The following ADAMTS2 variants were observed in gnomAD, a reference collection of about 807,000 sequenced individuals.
The protein encoded by ADAMTS2 is ADAM metallopeptidase with thrombospondin type 1 motif 2.
ADAMTS2 carries 50 observed loss-of-function variants against 123.0 expected under a neutral mutation model. That is an observed-to-expected ratio of 0.41 (90% CI 0.32 to 0.51). ADAMTS2 has a LOEUF of 0.51. Ranked by LOEUF, ADAMTS2 falls within the 20% of genes least tolerant of loss-of-function variation. The pLI is 0.35. For synonymous variants in ADAMTS2, 678 were observed against 695.4 expected (o/e 0.98, Z 0.39); for missense variants, 1,494 against 1,705.2 (o/e 0.88, Z 2.18).
intron 2 of ADAMTS2, among the ~76,000 whole-genome samples, chr5:179,323,416 T>A (rs1011068750): frequency 6.6e-6 from 1 of 152,200 alleles, no homozygotes; most frequent in Non-Finnish European, 1.5e-5. Context: ...TCGTGGCAGG[T>A]GTCAGCATGG....
intron 5 of ADAMTS2, among the ~76,000 whole-genome samples, chr5:179,160,865 G>A (rs974637142): frequency 6.6e-6 from 1 of 152,156 alleles, no homozygotes; most frequent in African/African-American, 2.4e-5. Flanking sequence ...CAAAAGTGGG[G>A]CATGTCTCTT....
intron 2 of ADAMTS2, among the ~76,000 whole-genome samples, chr5:179,311,436 A>G (rs62395029): frequency 0.037 from 5,620 of 152,302 alleles, 142 homozygotes; most frequent in South Asian, 0.074. Flanking sequence ...CTGCCAGCAA[A>G]GCCTCAATGA....
At chr5:179,122,876 A>G in intron 19 of ADAMTS2, 103 bp from the exon 20 acceptor site, 1 of 1,509,504 alleles carries the variant, frequency 6.6e-7, no homozygotes, top group Non-Finnish European at 8.9e-7. Flanking sequence ...CCATGCGCTC[A>G]GGAGGAGGTG....
At chr5:179,278,708 G>A (rs536660588) in intron 2 of ADAMTS2, among the ~76,000 whole-genome samples, 1 of 152,014 alleles carries the variant, frequency 6.6e-6, no homozygotes, top group Non-Finnish European at 1.5e-5. Context: ...CTGGGGGACA[G>A]AGAGAGGATC....
intron 4 of ADAMTS2, among the ~76,000 whole-genome samples, chr5:179,201,631 CAAAAAAAA>C (rs58141791): frequency 2.2e-5 from 2 of 91,912 alleles, no homozygotes; most frequent in Non-Finnish European, 4.0e-5. Context: ...ACTAAAAATA[CAAAAAAAA>C]AAAAAAAAAA....
intron 2 of ADAMTS2, among the ~76,000 whole-genome samples, chr5:179,298,355 C>G (rs1756402457): frequency 6.6e-6 from 1 of 151,966 alleles, no homozygotes; most frequent in African/African-American, 2.4e-5. Flanking sequence ...GGGTGGGGAC[C>G]CCGTTAATGG....
At chr5:179,229,967 C>T (rs1765371619) in intron 3 of ADAMTS2, among the ~76,000 whole-genome samples, 1 of 152,196 alleles carries the variant, frequency 6.6e-6, no homozygotes, top group Admixed American at 6.5e-5. Flanking sequence ...TCTCGACATC[C>T]TGACCCCGTA....
chr5:179,298,733 C>T (rs1241774241), intron 2 of ADAMTS2, among the ~76,000 whole-genome samples: 2 of 151,922 alleles, frequency 1.3e-5, no homozygotes, highest in Admixed American at 6.6e-5. Flanking sequence ...CTGAGATCTG[C>T]GCTGGTTAGG....
intron 4 of ADAMTS2, among the ~76,000 whole-genome samples, chr5:179,194,392 T>A (rs1006195901): frequency 6.6e-6 from 1 of 152,180 alleles, no homozygotes; most frequent in African/African-American, 2.4e-5. Flanking sequence ...AGGGCTGCTC[T>A]ATCCGGGTGC....
At chr5:179,140,086 G>T (rs750947265) in intron 10 of ADAMTS2, 51 bp from the exon 11 acceptor site, 1 of 1,611,718 alleles carries the variant, frequency 6.2e-7, no homozygotes, top group Non-Finnish European at 8.5e-7. Flanking sequence ...CGGGCCGTGG[G>T]GACAGTCCTG....
In ADAMTS2 at chr5:179,207,498, A is replaced by AC; in HGVS notation, c.891+14_891+15insG. On this transcript the variant is annotated intron_variant, in intron 4 of 21. Transcript: ENST00000251582. Reference sequence around the variant, plus strand: ...CCTCCCCGCCCCACCCTGCCCCCTCAGCCACCCCACTCACAATGTTCATGA... The same window carrying AC: ...CCTCCCCGCCCCACCCTGCCCCCTCACGCCACCCCACTCACAATGTTCATGA... 1 of 681,278 alleles carries AC rather than the reference A, an allele frequency of 1.5e-6. No individual in the cohort carries two copies. The highest frequency in any genetic ancestry group is 6.3e-5 in the East Asian group (1 of 15,920). The allele number at this position is 681,278 out of a possible 1,614,324, so 42.2% of individuals were successfully genotyped here.
At chr5:179,205,499 G>A (rs1290093933) in intron 4 of ADAMTS2, among the ~76,000 whole-genome samples, 7 of 152,240 alleles carry the variant, frequency 4.6e-5, no homozygotes, top group South Asian at 2.1e-4. Context: ...CGTTCCCAAC[G>A]ACGCGCCTGG....
intron 3 of ADAMTS2, among the ~76,000 whole-genome samples, chr5:179,226,177 G>A (rs569756991): frequency 1.4e-4 from 21 of 151,708 alleles, no homozygotes; most frequent in African/African-American, 4.3e-4. Context: ...AGAAAAGACA[G>A]CAGCTTTTCT....
intron 2 of ADAMTS2, among the ~76,000 whole-genome samples, chr5:179,338,222 T>C (rs1000318709): frequency 1.3e-5 from 2 of 152,186 alleles, no homozygotes; most frequent in East Asian, 3.9e-4. Flanking sequence ...CCGGCTCCAC[T>C]CTGCCCCTCC....
chr5:179,187,128 C>T (rs1764190774), intron 4 of ADAMTS2, among the ~76,000 whole-genome samples: 1 of 152,128 alleles, frequency 6.6e-6, no homozygotes, highest in Non-Finnish European at 1.5e-5. Context: ...GGCCTGGAAT[C>T]CTCACTCTCC....
At chr5:179,280,075 G>C (rs114772065) in intron 2 of ADAMTS2, among the ~76,000 whole-genome samples, 3 of 152,200 alleles carry the variant, frequency 2.0e-5, no homozygotes, top group Non-Finnish European at 2.9e-5. Context: ...TGAGCACAGT[G>C]ACCACAACAG....
At chr5:179,327,616 G>C (rs1476457908) in intron 2 of ADAMTS2, among the ~76,000 whole-genome samples, 1 of 152,212 alleles carries the variant, frequency 6.6e-6, no homozygotes, top group African/African-American at 2.4e-5. Context: ...TCTACTTGAT[G>C]CAAGAGAGCA....
chr5:179,126,873 C>T lies in ADAMTS2; in HGVS notation c.2618-743G>A, dbSNP rs558662281. Among the ~76,000 whole-genome samples the T allele has an allele frequency of 1.3e-4, 19 of 150,194 alleles. 1 individual carries two copies. In the South Asian group the frequency reaches 3.4e-3, roughly 27 times the overall value. On this transcript the variant is annotated intron_variant, in intron 17 of 21. Coordinates refer to ENST00000251582, the MANE Select transcript of ADAMTS2 (RefSeq NM_014244.5). ...TGGAGGGGCTCAGGCGAGGAGAAGC[C>T]TGCGCAGAGGCCCCAAGGTGGGACA...
intron 2 of ADAMTS2, among the ~76,000 whole-genome samples, chr5:179,304,633 G>C (rs557500371): frequency 8.5e-5 from 13 of 152,296 alleles, no homozygotes; most frequent in Admixed American, 4.6e-4. Flanking sequence ...CTTGAGGATA[G>C]AGCAATAGAA....
Sources: allele counts gnomAD v4.1 joint callset (sites outside exome capture counted in the v4.1 genomes callset), GRCh38; gene constraint gnomAD v4.1.1; transcripts MANE v1.5; gene names NCBI Gene and HGNC (gene_info 2026-07-23, HGNC 2026-07-21).